The following RSBN1 variants were observed in gnomAD, a reference collection of about 807,000 sequenced individuals.
RSBN1 encodes the protein round spermatid basic protein 1, also known as lysine-specific demethylase 9.
Under a neutral mutation model 74.8 loss-of-function variants are expected in RSBN1, and 23 were observed. The observed-to-expected ratio is 0.31, with a 90% CI of 0.22 to 0.44. The LOEUF is 0.44. RSBN1 is among the 20% of genes least tolerant of loss of function. The pLI is 1.00. For missense variants in RSBN1, 808 were observed against 1,020.9 expected, an observed-to-expected ratio of 0.79 and a Z score of 2.84; for synonymous variants, 407 against 379.6, an observed-to-expected ratio of 1.07 and a Z score of -0.84.
chr1:113,774,587 G>C (rs1659978485), intron 4 of RSBN1, among the ~76,000 whole-genome samples: 1 of 152,108 alleles, frequency 6.6e-6, no homozygotes, highest in African/African-American at 2.4e-5. Flanking sequence ...TGAAGCAGGA[G>C]AATGGTGTGA....
chr1:113,788,883 G>A lies in RSBN1; in HGVS notation c.1377+8480C>T, dbSNP rs999383361. Among the ~76,000 whole-genome samples, 19 of 147,722 alleles carry A rather than the reference G, an allele frequency of 1.3e-4. No homozygotes were observed. In the East Asian group the frequency reaches 1.4e-3, roughly 11 times the overall value. ...AGACCCTCTACCTTGCCCCCACCCC[G>A]ACCCAAAAAAAGACATTTACACAAA... On this transcript the variant is annotated intron_variant, in intron 2 of 6. Coordinates refer to ENST00000261441, the MANE Select transcript of RSBN1 (RefSeq NM_018364.5).
chr1:113,792,744 T>A (rs542262347), intron 2 of RSBN1, among the ~76,000 whole-genome samples: 1 of 151,994 alleles, frequency 6.6e-6, no homozygotes, highest in African/African-American at 2.4e-5. Context: ...CAGTGAGCCA[T>A]GATCACACTT....
chr1:113,769,206 A>G (rs1474662183), intron 4 of RSBN1, among the ~76,000 whole-genome samples: 1 of 152,118 alleles, frequency 6.6e-6, no homozygotes, highest in Non-Finnish European at 1.5e-5. Context: ...CCTCACCCCC[A>G]AACTCCTCAG....
chr1:113,774,715 G>A (rs996842196), intron 4 of RSBN1, among the ~76,000 whole-genome samples: 6 of 151,598 alleles, frequency 4.0e-5, no homozygotes, highest in African/African-American at 7.3e-5. Context: ...AACTAGCCAG[G>A]CATGGTGGCA....
chr1:113,769,736 A>G (rs766238856), intron 4 of RSBN1, among the ~76,000 whole-genome samples: 1 of 152,218 alleles, frequency 6.6e-6, no homozygotes, highest in African/African-American at 2.4e-5. Context: ...AGAATACACA[A>G]GAAGGGATCA....
At chr1:113,782,301 G>A (rs2101802804) in intron 2 of RSBN1, among the ~76,000 whole-genome samples, 1 of 152,210 alleles carries the variant, frequency 6.6e-6, no homozygotes, top group Non-Finnish European at 1.5e-5. Flanking sequence ...AGTTAGATTT[G>A]GAGTTATAAC....
chr1:113,783,473 G>A (rs1660176290), intron 2 of RSBN1, among the ~76,000 whole-genome samples: 2 of 151,124 alleles, frequency 1.3e-5, no homozygotes, highest in South Asian at 2.1e-4. Context: ...AAAAAAGAGA[G>A]AAAAAAATAG....
At chr1:113,770,279 A>G (rs1052043191) in intron 4 of RSBN1, among the ~76,000 whole-genome samples, 17 of 152,236 alleles carry the variant, frequency 1.1e-4, no homozygotes, top group African/African-American at 3.9e-4. Context: ...TGCCTCAGCC[A>G]TCTAGCAACT....
At chr1:113,809,310 G>A (rs1438440863) in intron 1 of RSBN1, among the ~76,000 whole-genome samples, 2 of 152,130 alleles carry the variant, frequency 1.3e-5, no homozygotes, top group African/African-American at 4.8e-5. Flanking sequence ...CCATTTTATA[G>A]ACAGGAAAAG....
Position 113,766,032 on chromosome 1 carries a change from A to C in RSBN1, c.2357T>G (p.Leu786Arg), listed in dbSNP as rs777650613. The C allele has an allele frequency of 1.2e-6, 2 of 1,614,072 alleles. No homozygotes were observed. Among genetic ancestry groups the C allele is most frequent in the Non-Finnish European group, 8.5e-7 (1 of 1,179,922 alleles). Reference protein sequence around the residue: ...PIPVLKVESRLDSDQQHNLQE... With the variant: ...PIPVLKVESRRDSDQQHNLQE... ...CAGATTGTGTTGCTGGTCAGAGTCC[A>C]GTCTACTTTCCACTTTTAAAACTGG... Residue 786 changes from leucine to arginine, a missense_variant, in exon 7 of 7, where the codon CTG becomes CGG. By Grantham distance (102) the Leu-to-Arg change is moderately radical. This residue lies in a region of RSBN1 where 91 missense variants were observed against 99.6 expected (regional missense o/e 0.91). Transcript: ENST00000261441.
chr1:113,779,291 T>C (rs1660090983), intron 2 of RSBN1, among the ~76,000 whole-genome samples: 1 of 152,244 alleles, frequency 6.6e-6, no homozygotes, highest in Non-Finnish European at 1.5e-5. Context: ...TTCTTCACCA[T>C]TTGTTCTTTA....
rs1456724014 is a variant in RSBN1, at chr1:113,766,106, T to C, written c.2283A>G (p.Pro761=). ...QLLTTASSSF[P]PASELNLQQD... ...GCTGTAGATTAAGTTCTGATGCAGG[T>C]GGGAAAGATGATGAAGCAGTTGTTA... Residue 761 remains proline (P), a synonymous_variant, in exon 7 of 7, where the codon CCA becomes CCG. Coordinates refer to ENST00000261441, the MANE Select transcript of RSBN1 (RefSeq NM_018364.5). The C allele has an allele frequency of 2.5e-6, 4 of 1,614,072 alleles. No homozygotes were observed. In the Admixed American group the frequency reaches 5.0e-5, roughly 20 times the overall value.
intron 2 of RSBN1, among the ~76,000 whole-genome samples, chr1:113,795,460 T>C (rs1275747163): frequency 3.3e-5 from 5 of 152,200 alleles, no homozygotes; most frequent in Admixed American, 2.0e-4. Flanking sequence ...TCTGCTAAAG[T>C]TGCAAACTTC....
intron 1 of RSBN1, among the ~76,000 whole-genome samples, chr1:113,802,825 T>A (rs1351230249): frequency 6.6e-6 from 1 of 152,180 alleles, no homozygotes; most frequent in Non-Finnish European, 1.5e-5. Context: ...TTGTTACAAC[T>A]GATAAGTCTA....
intron 2 of RSBN1, among the ~76,000 whole-genome samples, chr1:113,782,006 A>G (rs1212749963): frequency 1.3e-5 from 2 of 152,178 alleles, no homozygotes; most frequent in African/African-American, 4.8e-5. Flanking sequence ...GTAGCTCCAT[A>G]TTACCTGTAG....
At chr1:113,770,680 T>C (rs899252930) in intron 4 of RSBN1, among the ~76,000 whole-genome samples, 3 of 152,044 alleles carry the variant, frequency 2.0e-5, no homozygotes, top group Non-Finnish European at 2.9e-5. Context: ...AAAATATAAA[T>C]AGAACTCACA....
At chr1:113,779,468 C>T (rs1326615413) in intron 2 of RSBN1, among the ~76,000 whole-genome samples, 1 of 152,102 alleles carries the variant, frequency 6.6e-6, no homozygotes, top group African/African-American at 2.4e-5. Flanking sequence ...TCTTAAGCAG[C>T]AGCCACCCAG....
intron 1 of RSBN1, among the ~76,000 whole-genome samples, chr1:113,803,777 A>C (rs527981213): frequency 1.3e-5 from 2 of 152,098 alleles, no homozygotes; most frequent in South Asian, 4.2e-4. Context: ...TAAGCTCATA[A>C]ATCTCTTTAA....
rs938723306 is a variant in RSBN1 at position 113,797,640 on chromosome 1, T to C, written c.1100A>G (p.Asn367Ser). The change falls in exon 2 of 7, where the codon AAT becomes AGT. Residue 367 changes from asparagine to serine, a missense_variant. Physicochemically the swap from Asn to Ser is conservative, Grantham distance 46. Around this residue, in one of 6 missense-constraint regions of RSBN1, gnomAD observed 85 missense variants for 126.2 expected, o/e 0.67. Coordinates refer to ENST00000261441, the MANE Select transcript of RSBN1 (RefSeq NM_018364.5). ...SNFIHEEHQS[N>S]GGALVLHAYM... ...AGCATGAAGGACAAGAGCACCACCA[T>C]TGGACTGGTGTTCCTCATGAATAAA... 1.8e-5 allele frequency: 29 copies of C among 1,613,952 alleles called. No individual in the cohort carries two copies. The highest frequency in any genetic ancestry group is 5.0e-5 in the Admixed American group (3 of 59,940).
Sources: gnomAD v4.1 joint callset for allele counts (sites outside exome capture counted in the v4.1 genomes callset) on GRCh38, gnomAD v4.1.1 for gene constraint, gnomAD v4.1.1 regional missense constraint, MANE v1.5 for transcripts, NCBI Gene and HGNC (gene_info 2026-07-23, HGNC 2026-07-21) for gene names.